CCDC73: variants seen among roughly 807,000 people sequenced by gnomAD.
The protein encoded by CCDC73 is coiled-coil domain containing 73, also known as coiled-coil domain-containing protein 73.
In CCDC73, 95 loss-of-function variants were observed where a neutral mutation model predicts 116.5. The ratio of observed to expected loss-of-function variants is 0.82; its 90% CI spans 0.69 to 0.97. CCDC73 has a LOEUF of 0.97. CCDC73 is among the 50% of genes least tolerant of loss of function. The pLI is 0.00. For synonymous variants in CCDC73, 398 were observed against 401.3 expected (o/e 0.99, Z 0.10); for missense variants, 1,066 against 1,206.8 (o/e 0.88, Z 1.73).
At position 32,614,523 on chromosome 11, in the gene CCDC73, C is replaced by T; in HGVS notation, c.1795G>A (p.Glu599Lys). The change falls in exon 16 of 18, where the codon GAG (glutamate) becomes AAG (lysine). Residue 599 changes from glutamate to lysine, a missense_variant. Coordinates refer to ENST00000335185, the MANE Select transcript of CCDC73 (RefSeq NM_001008391.4). ...AGCAATCTGAATTGTTTGAATGGCT[C>T]ATTTTCAGAAACATCTTTATTATTA... ...HNNNKDVSEN[E>K]PFKQFRLLPG... The T allele has an allele frequency of 6.2e-7, 1 of 1,613,142 alleles. No homozygotes were observed. Among genetic ancestry groups the T allele is most frequent in the Non-Finnish European group, 8.5e-7 (1 of 1,179,480 alleles).
At chr11:32,821,327 G>A in the CCDC73 span, among the ~76,000 whole-genome samples, 1 of 152,116 alleles carries the variant, frequency 6.6e-6, no homozygotes, top group Admixed American at 6.5e-5. Context: ...AATATTAAAT[G>A]TGTCCAAAAA....
intron 1 of CCDC73, among the ~76,000 whole-genome samples, chr11:32,791,442 T>C (rs1323249429): frequency 6.6e-6 from 1 of 152,242 alleles, no homozygotes; most frequent in East Asian, 1.9e-4. Flanking sequence ...GCAGTCCCAT[T>C]AGCTTTGTTG....
the CCDC73 span, chr11:32,830,537 C>G: frequency 1.3e-6 from 2 of 1,572,506 alleles, no homozygotes; most frequent in East Asian, 4.5e-5. Context: ...ACTATGTTTA[C>G]GCTTCTGGTT....
chr11:32,673,662 T>C (rs919531448), intron 9 of CCDC73, among the ~76,000 whole-genome samples: 6 of 152,158 alleles, frequency 3.9e-5, no homozygotes, highest in Non-Finnish European at 7.3e-5. Flanking sequence ...CTATACAAAA[T>C]TGAATTCCTA....
intron 15 of CCDC73, 51 bp downstream of exon 15, chr11:32,615,888 CT>C: frequency 7.1e-7 from 1 of 1,408,138 alleles, no homozygotes; most frequent in Non-Finnish European, 9.6e-7. Flanking sequence ...AAAATATTTA[CT>C]GTAAATATCA....
intron 3 of CCDC73, among the ~76,000 whole-genome samples, chr11:32,714,107 T>C (rs1849924291): frequency 6.6e-6 from 1 of 152,070 alleles, no homozygotes; most frequent in South Asian, 2.1e-4. Flanking sequence ...GGACTGTCAT[T>C]ACAGAACTTT....
At chr11:32,629,073 T>C (rs542473806) in intron 14 of CCDC73, among the ~76,000 whole-genome samples, 17 of 151,744 alleles carry the variant, frequency 1.1e-4, no homozygotes, top group African/African-American at 3.9e-4. Flanking sequence ...AAAAAAGAAA[T>C]ACAAATGAAC....
intron 1 of CCDC73, among the ~76,000 whole-genome samples, chr11:32,767,085 A>C (rs944135893): frequency 3.9e-5 from 6 of 152,256 alleles, no homozygotes; most frequent in African/African-American, 1.4e-4. Context: ...ACAAGGCTAC[A>C]GGAACCAAAA....
At chr11:32,663,273 A>G (rs77490440) in intron 9 of CCDC73, among the ~76,000 whole-genome samples, 24,073 of 152,168 alleles carry the variant, frequency 0.16, 2,035 homozygotes, top group South Asian at 0.27. Flanking sequence ...TACCTTTGGC[A>G]GTATGGCCAT....
chr11:32,776,965 A>AT, intron 1 of CCDC73, among the ~76,000 whole-genome samples: 1 of 127,394 alleles, frequency 7.8e-6, no homozygotes, highest in Non-Finnish European at 1.6e-5. Flanking sequence ...ATATATACAC[A>AT]CACACACATA....
intron 6 of CCDC73, among the ~76,000 whole-genome samples, chr11:32,689,092 C>T (rs1856230875): frequency 1.3e-5 from 2 of 152,240 alleles, no homozygotes; most frequent in African/African-American, 2.4e-5. Flanking sequence ...ACTAGAAGAA[C>T]TTAACCTACC....
intron 2 of CCDC73, among the ~76,000 whole-genome samples, chr11:32,749,829 T>G (rs1850271062): frequency 6.6e-6 from 1 of 152,036 alleles, no homozygotes; most frequent in Admixed American, 6.6e-5. Context: ...AAGAATTATC[T>G]GAATTACCAA....
Position 32,614,574 on chromosome 11 carries a change from C to T in CCDC73, c.1744G>A (p.Glu582Lys). 1.2e-6 allele frequency: 2 copies of T among 1,611,894 alleles called. No homozygotes were observed. The highest frequency in any genetic ancestry group is 1.1e-5 in the South Asian group (1 of 91,004). Residue 582 changes from glutamate to lysine, a missense_variant, in exon 16 of 18, where the codon GAG becomes AAG. Transcript: ENST00000335185. ...TTGTGATATGTATTGTGTGCTGTCTCATTTAAAATACTGTTAAATGATGTT... is the reference window on the plus strand; with the variant it reads ...TTGTGATATGTATTGTGTGCTGTCTTATTTAAAATACTGTTAAATGATGTT... ...NKTSFNSILN[E>K]TAHNTYHNNN...
At chr11:32,690,866 G>A (rs550167992) in intron 6 of CCDC73, among the ~76,000 whole-genome samples, 4 of 152,180 alleles carry the variant, frequency 2.6e-5, no homozygotes, top group East Asian at 3.9e-4. Context: ...CACTGACATC[G>A]TTATCACCCA....
chr11:32,628,318 A>G (rs993755088), intron 14 of CCDC73, among the ~76,000 whole-genome samples: 1 of 152,224 alleles, frequency 6.6e-6, no homozygotes, highest in African/African-American at 2.4e-5. Context: ...GAAGACAAAC[A>G]TCGGAATTTA....
At chr11:32,677,273 T>C (rs1174231125) in intron 7 of CCDC73, among the ~76,000 whole-genome samples, 1 of 152,194 alleles carries the variant, frequency 6.6e-6, no homozygotes, top group Non-Finnish European at 1.5e-5. Flanking sequence ...ATTTACTTTA[T>C]TGAAATACTT....
At chr11:32,674,482 A>C (rs1039479872) in intron 9 of CCDC73, among the ~76,000 whole-genome samples, 1 of 152,176 alleles carries the variant, frequency 6.6e-6, no homozygotes, top group Non-Finnish European at 1.5e-5. Context: ...GCCCTAACCA[A>C]CCTGGCTTAA....
chr11:32,639,252 T>C (rs552123782), intron 13 of CCDC73, among the ~76,000 whole-genome samples: 1 of 152,246 alleles, frequency 6.6e-6, no homozygotes, highest in Admixed American at 6.5e-5. Flanking sequence ...AAATGATTTA[T>C]TTTGTGCTTT....
rs548103997 is a variant in CCDC73, at chr11:32,760,503, T to C, written c.-15-245A>G. Among the ~76,000 whole-genome samples, 7 of 152,296 alleles carry C rather than the reference T, an allele frequency of 4.6e-5. No homozygotes were observed. In the East Asian group the frequency reaches 1.3e-3, roughly 29 times the overall value. On this transcript the variant is annotated intron_variant, in intron 1 of 17. Transcript: ENST00000335185. ...AGTACCCTCAAAGGCTAAATTTTCT[T>C]CCCCTAAAGACCCATCTTCTAAAGG...
Sources: allele counts gnomAD v4.1 joint callset (sites outside exome capture counted in the v4.1 genomes callset), GRCh38; gene constraint gnomAD v4.1.1; transcripts MANE v1.5; gene names NCBI Gene and HGNC (gene_info 2026-07-23, HGNC 2026-07-21).